The following PRKCZ variants were observed in gnomAD, a reference collection of about 807,000 sequenced individuals.
PRKCZ encodes the protein protein kinase C zeta type.
Under a neutral mutation model 79.5 loss-of-function variants are expected in PRKCZ, and 33 were observed. The ratio of observed to expected loss-of-function variants is 0.41; its 90% CI spans 0.31 to 0.55. The LOEUF is 0.55. Among genes scored for constraint, PRKCZ ranks in the 20% least tolerant of loss-of-function variants. The pLI, the probability that PRKCZ is intolerant of heterozygous loss-of-function variation, is 0.19. For synonymous variants in PRKCZ, 342 were observed against 320.9 expected (o/e 1.07, Z -0.70); for missense variants, 578 against 813.5 (o/e 0.71, Z 3.52).
At chr1:2,171,983 GC>G in intron 11 of PRKCZ, 71 bp from the exon 12 acceptor site, 2 of 1,511,902 alleles carry the variant, frequency 1.3e-6, no homozygotes, top group East Asian at 2.3e-5. Flanking sequence ...GGAGTGTGTG[GC>G]CCCCAGGCTG....
At chr1:2,169,935 AT>A (rs1684105547) in intron 11 of PRKCZ, among the ~76,000 whole-genome samples, 1 of 151,988 alleles carries the variant, frequency 6.6e-6, no homozygotes, top group Non-Finnish European at 1.5e-5. Flanking sequence ...ATTGTGACAC[AT>A]TCCATATTTG....
chr1:2,179,962 T>A (rs1436118647), intron 16 of PRKCZ, among the ~76,000 whole-genome samples: 1 of 150,454 alleles, frequency 6.6e-6, no homozygotes, highest in African/African-American at 2.4e-5. Context: ...GATGGCTGGG[T>A]CTGGGCAGCG....
intron 4 of PRKCZ, among the ~76,000 whole-genome samples, chr1:2,131,963 C>G (rs1266437658): frequency 1.3e-5 from 2 of 152,190 alleles, no homozygotes; most frequent in Admixed American, 6.5e-5. Context: ...AGGCGCCCAC[C>G]ACCACACCCG....
In PRKCZ at chr1:2,056,503, C is replaced by T. The variant is rs1405445603; in HGVS notation, c.213C>T (p.Ser71=). 3 of 1,613,984 alleles carry T rather than the reference C, an allele frequency of 1.9e-6. No individual in the cohort carries two copies. The highest frequency in any genetic ancestry group is 1.7e-5 in the Admixed American group (1 of 60,022). ...ACCCAGGTGACCCTTGCACGGTGTC[C>T]TCCCAGATGGAGCTGGAAGAGGCTT... ...VDSEGDPCTV[S]SQMELEEAFR... The change falls in exon 3 of 18, where the codon TCC becomes TCT. Residue 71 remains serine (S), a synonymous_variant. Transcript: ENST00000378567.
At chr1:2,176,889 C>T (rs546109380) in intron 16 of PRKCZ, among the ~76,000 whole-genome samples, 2 of 152,368 alleles carry the variant, frequency 1.3e-5, no homozygotes, top group South Asian at 2.1e-4. Context: ...TGGGCTGCTG[C>T]CAAACTAGGA....
intron 4 of PRKCZ, chr1:2,071,557 G>T (rs976849183): frequency 5.5e-6 from 1 of 180,220 alleles, no homozygotes; most frequent in African/African-American, 2.4e-5. Flanking sequence ...CAAATTATTT[G>T]CAACAAACTG....
At chr1:2,169,412 C>A (rs1683971807) in intron 10 of PRKCZ, 106 bp from the exon 11 acceptor site, 4 of 943,552 alleles carry the variant, frequency 4.2e-6, no homozygotes, top group Non-Finnish European at 6.7e-6. Flanking sequence ...AAGACTGAAC[C>A]TGCGGGAGGG....
intron 4 of PRKCZ, among the ~76,000 whole-genome samples, chr1:2,087,656 A>G (rs988896279): frequency 5.3e-5 from 8 of 152,092 alleles, no homozygotes; most frequent in African/African-American, 1.9e-4. Context: ...CCCGAGTAAT[A>G]TGTGTGCGAT....
rs72925880 is a variant in PRKCZ at position 2,179,878 on chromosome 1, C to T, written c.1575+4565C>T. Among the ~76,000 whole-genome samples the T allele has an allele frequency of 9.3e-3, 1,412 of 152,178 alleles. 35 individuals are homozygous for T. The highest frequency in any genetic ancestry group is 0.032 in the African/African-American group (1,323 of 41,494). On this transcript the variant is annotated intron_variant, in intron 16 of 17. Transcript: ENST00000378567. ...AGGAACCCAGCCACGTTGTGTGCTG[C>T]GCAAGGAGCCGGCGGCAGGGAGGGG... is the stretch of plus-strand genomic sequence containing the variant.
chr1:2,050,515 C>T lies in PRKCZ; in HGVS notation c.-116C>T, dbSNP rs977076963. On this transcript the variant is annotated 5_prime_UTR_variant, in exon 1 of 18. Transcript: ENST00000378567. Reference sequence around the variant, plus strand: ...TCCGCGGAGTTGACCGGGTCGGCGCCGTCGGTCCTGAGCGCTGCCTTCCGC... The same window carrying T: ...TCCGCGGAGTTGACCGGGTCGGCGCTGTCGGTCCTGAGCGCTGCCTTCCGC... 5.2e-4 allele frequency: 297 copies of T among 573,814 alleles called. No homozygotes were observed. Among genetic ancestry groups the T allele is most frequent in the Non-Finnish European group, 6.6e-4 (268 of 405,370 alleles). 35.5% of individuals were successfully genotyped at this position (573,814 alleles called of 1,614,324 possible).
chr1:2,105,577 T>C (rs1257894956), intron 4 of PRKCZ, among the ~76,000 whole-genome samples: 1 of 152,114 alleles, frequency 6.6e-6, no homozygotes, highest in African/African-American at 2.4e-5. Context: ...TTTTTGTATT[T>C]TTAGTAGAGA....
chr1:2,148,651 C>T (rs1033236863), intron 7 of PRKCZ, among the ~76,000 whole-genome samples: 4 of 152,228 alleles, frequency 2.6e-5, no homozygotes, highest in East Asian at 3.8e-4. Context: ...ACGTATGTCA[C>T]GAATGTACAT....
intron 4 of PRKCZ, among the ~76,000 whole-genome samples, chr1:2,068,094 C>T (rs889464866): frequency 4.6e-5 from 7 of 152,240 alleles, no homozygotes; most frequent in Non-Finnish European, 7.3e-5. Flanking sequence ...GGCAGCAGTA[C>T]GTTCCTTGGG....
At chr1:2,150,658 CTG>C in intron 8 of PRKCZ, 130 bp from the exon 9 acceptor site, 1 of 909,204 alleles carries the variant, frequency 1.1e-6, no homozygotes, top group South Asian at 1.7e-5. Context: ...GGACGCAGAA[CTG>C]AGACTCGAAT....
At chr1:2,116,427 TC>T (rs1238815459) in intron 4 of PRKCZ, 1 of 152,012 alleles carries the variant, frequency 6.6e-6, no homozygotes, top group East Asian at 1.9e-4. Flanking sequence ...CATTGGGGGG[TC>T]CGTCTTTTTT....
In PRKCZ at chr1:2,150,897, G is replaced by A; in HGVS notation, c.795G>A (p.Lys265=). The A allele has an allele frequency of 6.2e-7, 1 of 1,614,204 alleles. No homozygotes were observed. Among genetic ancestry groups the A allele is most frequent in the Non-Finnish European group, 8.5e-7 (1 of 1,180,046 alleles). The change falls in exon 9 of 18, where the codon AAG becomes AAA. Residue 265 remains lysine (K), a synonymous_variant. Coordinates refer to ENST00000378567, the MANE Select transcript of PRKCZ (RefSeq NM_002744.6). The stretch of plus-strand genomic sequence containing the variant: ...TCATCGGGCGCGGGAGCTACGCCAA[G>A]GTTCTCCTGGTGCGGTTGAAGAAGA... ...IRVIGRGSYA[K]VLLVRLKKND...
chr1:2,141,734 G>T, intron 5 of PRKCZ: 1 of 167,276 alleles, frequency 6.0e-6, no homozygotes, highest in Non-Finnish European at 1.3e-5. Flanking sequence ...GTTAAATGGT[G>T]ACCTAGAGAA....
At chr1:2,107,996 AC>A (rs1668925410) in intron 4 of PRKCZ, among the ~76,000 whole-genome samples, 1 of 151,066 alleles carries the variant, frequency 6.6e-6, no homozygotes, top group Admixed American at 6.6e-5. Flanking sequence ...GAGCCCCCCA[AC>A]CCCGGCAGTG....
intron 4 of PRKCZ, chr1:2,104,781 C>T (rs886925349): frequency 3.3e-5 from 33 of 985,822 alleles, no homozygotes; most frequent in Non-Finnish European, 3.7e-5. Context: ...ACTGCTGCCC[C>T]CCGGGGCCGA....
Sources: allele counts gnomAD v4.1 joint callset (sites outside exome capture counted in the v4.1 genomes callset), GRCh38; gene constraint gnomAD v4.1.1; transcripts MANE v1.5; gene names NCBI Gene and HGNC (gene_info 2026-07-23, HGNC 2026-07-21).